The following MAGOH variants were observed in gnomAD, a reference collection of about 807,000 sequenced individuals.
MAGOH encodes the protein mago homolog, exon junction complex subunit, also known as protein mago nashi homolog.
In MAGOH, 3 loss-of-function variants were observed where a neutral mutation model predicts 20.9. That is an observed-to-expected ratio of 0.14 (90% CI 0.07 to 0.37). The LOEUF is 0.37. Ranked by LOEUF, MAGOH falls within the 10% of genes least tolerant of loss-of-function variation. The probability of loss-of-function intolerance (pLI) is 1.00; values close to 1 mark genes in which losing one functional copy is unlikely to be tolerated. For missense variants in MAGOH, 66 were observed against 178.1 expected, an observed-to-expected ratio of 0.37 and a Z score of 3.58; for synonymous variants, 51 against 61.0, an observed-to-expected ratio of 0.84 and a Z score of 0.76.
intron 4 of MAGOH, among the ~76,000 whole-genome samples, chr1:53,227,996 CGTA>C (rs1645568606): frequency 6.6e-6 from 1 of 152,166 alleles, no homozygotes; most frequent in African/African-American, 2.4e-5. Flanking sequence ...ACCCTCAAAA[CGTA>C]AGAGCCAAAG....
chr1:53,235,368 C>G (rs543317281), intron 2 of MAGOH, among the ~76,000 whole-genome samples: 1 of 152,202 alleles, frequency 6.6e-6, no homozygotes, highest in African/African-American at 2.4e-5. Flanking sequence ...CAAGGTATGT[C>G]AAAGGTTACC....
chr1:53,227,531 TTTTTGTTTTG>T (rs965464685), intron 4 of MAGOH, among the ~76,000 whole-genome samples: 33 of 152,260 alleles, frequency 2.2e-4, no homozygotes, highest in African/African-American at 6.5e-4. Context: ...TAGAAAACTT[TTTTTGTTTTG>T]TTTTGTTTTG....
Position 53,227,131 on chromosome 1 carries a change from A to T in MAGOH, c.355T>A (p.Leu119Ile). ...DVNQSKDPEG[L>I]RVFYYLVQDL... ...TGGACAAGATAATAAAATACTCGTA[A>T]GCCTTCTGGATCCCTAAAATACAAA... Residue 119 changes from leucine to isoleucine, a missense_variant, in exon 5 of 5, where the codon TTA becomes ATA. By Grantham distance (5) the Leu-to-Ile change is conservative. Coordinates refer to ENST00000371470, the MANE Select transcript of MAGOH (RefSeq NM_002370.4). 6.3e-7 allele frequency: 1 copy of T among 1,590,230 alleles called. No homozygotes were observed. Among genetic ancestry groups the T allele is most frequent in the Non-Finnish European group, 8.5e-7 (1 of 1,171,042 alleles).
rs1414704938 is a variant in MAGOH, at chr1:53,235,839, G to A, written c.89-204C>T. On this transcript the variant is annotated intron_variant, in intron 1 of 4. Transcript: ENST00000371470. ...GGCTTAAACAGCCAAATATACAGCT[G>A]AAACTCAACTACTGCAAAAAGCAGC... Among the ~76,000 whole-genome samples the A allele has an allele frequency of 3.3e-5, 5 of 152,300 alleles. No individual in the cohort carries two copies. In the South Asian group the frequency reaches 1.0e-3, roughly 32 times the overall value.
intron 4 of MAGOH, 94 bp from the exon 5 acceptor site, chr1:53,227,238 ATGAGG>A (rs571741168): frequency 1.7e-3 from 941 of 563,658 alleles, no homozygotes; most frequent in Non-Finnish European, 2.5e-3. Context: ...ACGGTATATT[ATGAGG>A]TAATTTAAAT....
intron 2 of MAGOH, among the ~76,000 whole-genome samples, chr1:53,234,114 G>GAACT (rs1645599648): frequency 6.6e-6 from 1 of 152,128 alleles, no homozygotes; most frequent in African/African-American, 2.4e-5. Context: ...GAGCTTAAGG[G>GAACT]AACTAGCTGG....
intron 1 of MAGOH, among the ~76,000 whole-genome samples, chr1:53,237,450 G>T (rs1359253744): frequency 6.6e-6 from 1 of 150,390 alleles, no homozygotes; most frequent in Non-Finnish European, 1.5e-5. Context: ...CGAGGCGGGC[G>T]TATCACCTGA....
chr1:53,234,368 T>C (rs1645601313), intron 2 of MAGOH, among the ~76,000 whole-genome samples: 1 of 147,690 alleles, frequency 6.8e-6, no homozygotes, highest in South Asian at 2.1e-4. Context: ...CATGCCCTGG[T>C]TATTCTTTTT....
At chr1:53,234,007 T>C (rs1023855093) in intron 2 of MAGOH, 1 of 217,486 alleles carries the variant, frequency 4.6e-6, no homozygotes, top group Non-Finnish European at 9.3e-6. Context: ...CATACTGAAA[T>C]TAATCCCCAA....
At chr1:53,227,951 A>C (rs1281122406) in intron 4 of MAGOH, among the ~76,000 whole-genome samples, 3 of 152,152 alleles carry the variant, frequency 2.0e-5, no homozygotes, top group African/African-American at 7.2e-5. Flanking sequence ...AATTACGCCC[A>C]ACATTTGCCA....
At chr1:53,232,715 G>T (rs964896419) in intron 3 of MAGOH, among the ~76,000 whole-genome samples, 1 of 152,188 alleles carries the variant, frequency 6.6e-6, no homozygotes, top group Non-Finnish European at 1.5e-5. Flanking sequence ...TTGGAAGCCC[G>T]GTAAAAGATA....
rs1224262487 is a variant in MAGOH at position 53,238,514 on chromosome 1, A to G, written c.-66T>C. 2 of 1,438,818 alleles carry G rather than the reference A, an allele frequency of 1.4e-6. No individual in the cohort carries two copies. The highest frequency in any genetic ancestry group is 1.1e-5 in the South Asian group (1 of 87,596). 89.1% of individuals were successfully genotyped at this position (1,438,818 alleles called of 1,614,324 possible). On this transcript the variant is annotated 5_prime_UTR_variant, in exon 1 of 5. Coordinates refer to ENST00000371470, the MANE Select transcript of MAGOH (RefSeq NM_002370.4). ...GCCGCACTGCCGCCGTCTGCGCCCGACACTGACGTTTGCGGCGGCGCGCGG... is the reference window on the plus strand; with the variant it reads ...GCCGCACTGCCGCCGTCTGCGCCCGGCACTGACGTTTGCGGCGGCGCGCGG...
Position 53,238,298 on chromosome 1 carries a change from C to A in MAGOH, c.88+63G>T, listed in dbSNP as rs1645626600. The A allele has an allele frequency of 2.0e-6, 3 of 1,486,462 alleles. No individual in the cohort carries two copies. The Admixed American group carries it at 5.0e-5, about 25-fold the overall frequency. The allele number at this position is 1,486,462 out of a possible 1,614,324, so 92.1% of individuals were successfully genotyped here. A position where few individuals can be genotyped will look rare whatever the true frequency, so the allele number is the denominator to read the frequency against. ...TTCCCCACAGATTTCCGACCCTCGG[C>A]CTCCCCACTCGCCGGCCCCCAGGCC... On this transcript the variant is annotated intron_variant, in intron 1 of 4. Transcript: ENST00000371470.
rs1158464079 is a variant in MAGOH, at chr1:53,227,135, T to C, written c.351A>G (p.Glu117=). The C allele has an allele frequency of 6.3e-7, 1 of 1,577,888 alleles. No individual in the cohort carries two copies. Among genetic ancestry groups the C allele is most frequent in the Admixed American group, 1.9e-5 (1 of 52,820 alleles). The change falls in exon 5 of 5, where the codon GAA becomes GAG. Residue 117 remains glutamate, a synonymous_variant. Coordinates refer to ENST00000371470, the MANE Select transcript of MAGOH (RefSeq NM_002370.4). ...LIDVNQSKDP[E]GLRVFYYLVQ... ...CAAGATAATAAAATACTCGTAAGCC[T>C]TCTGGATCCCTAAAATACAAAAGGA...
rs1362210059 is a variant in MAGOH, at chr1:53,236,857, C to G, written c.89-1222G>C. Among the ~76,000 whole-genome samples the G allele has an allele frequency of 2.0e-5, 3 of 152,158 alleles. No homozygotes were observed. The East Asian group carries it at 5.8e-4, about 29-fold the overall frequency. ...CCACAGTGCCTCTGCCAACAAAATC[C>G]TATCAACGATCAAAGTCCAGTTGGT... On this transcript the variant is annotated intron_variant, in intron 1 of 4. Coordinates refer to ENST00000371470, the MANE Select transcript of MAGOH (RefSeq NM_002370.4).
At chr1:53,234,271 C>G (rs1645600496) in intron 2 of MAGOH, among the ~76,000 whole-genome samples, 1 of 152,050 alleles carries the variant, frequency 6.6e-6, no homozygotes, top group Admixed American at 6.6e-5. Context: ...TTCCAGCCTC[C>G]AAAATTGTGA....
intron 4 of MAGOH, 48 bp from the exon 5 acceptor site, chr1:53,227,192 C>T (rs766433562): frequency 9.8e-7 from 1 of 1,018,582 alleles, no homozygotes; most frequent in Non-Finnish European, 1.5e-6. Flanking sequence ...TTTGACCCAT[C>T]AAGTGTCCCT....
In MAGOH at chr1:53,234,452, C is replaced by T. The variant is rs575835164; in HGVS notation, c.148-800G>A. ...GCAGTGGTGCGATCTCGGCTCATTGCGAACTCTGCCTCCTGGGTTCATGCC... is the reference window on the plus strand; with the variant it reads ...GCAGTGGTGCGATCTCGGCTCATTGTGAACTCTGCCTCCTGGGTTCATGCC... On this transcript the variant is annotated intron_variant, in intron 2 of 4. Coordinates refer to ENST00000371470, the MANE Select transcript of MAGOH (RefSeq NM_002370.4). Among the ~76,000 whole-genome samples the T allele has an allele frequency of 1.5e-4, 23 of 148,464 alleles. 1 individual carries two copies. The highest frequency in any genetic ancestry group is 4.2e-4 in the African/African-American group (17 of 40,244).
chr1:53,228,983 A>C, intron 3 of MAGOH, 29 bp from the exon 4 acceptor site: 1 of 1,443,308 alleles, frequency 6.9e-7, no homozygotes, highest in Non-Finnish European at 9.8e-7. Context: ...ATCGAAGTCA[A>C]GTAGAATTGG....
Sources: allele counts gnomAD v4.1 joint callset (sites outside exome capture counted in the v4.1 genomes callset), GRCh38; gene constraint gnomAD v4.1.1; transcripts MANE v1.5; gene names NCBI Gene and HGNC (gene_info 2026-07-23, HGNC 2026-07-21).